BABAM2: variants seen among roughly 807,000 people sequenced by gnomAD.
BABAM2 encodes the protein BRISC and BRCA1 A complex member 2.
Under a neutral mutation model 54.7 loss-of-function variants are expected in BABAM2, and 31 were observed. That is an observed-to-expected ratio of 0.57 (90% CI 0.43 to 0.77). BABAM2 has a LOEUF of 0.77. Among genes scored for constraint, BABAM2 ranks in the 30% least tolerant of loss-of-function variants. The pLI, the probability that BABAM2 is intolerant of heterozygous loss-of-function variation, is 0.00. For synonymous variants in BABAM2, 167 were observed against 162.9 expected (o/e 1.03, Z -0.19); for missense variants, 364 against 455.8 (o/e 0.80, Z 1.83).
chr2:28,208,423 A>G (rs191934284), intron 7 of BABAM2, among the ~76,000 whole-genome samples: 1 of 152,294 alleles, frequency 6.6e-6, no homozygotes, highest in East Asian at 1.9e-4. Flanking sequence ...AAAGATTCTA[A>G]CCCTAGTTTG....
intron 7 of BABAM2, among the ~76,000 whole-genome samples, chr2:28,225,008 G>A (rs1435173963): frequency 6.6e-6 from 1 of 152,192 alleles, no homozygotes; most frequent in East Asian, 1.9e-4. Flanking sequence ...TGGATAGGGA[G>A]TGAACTGTTT....
intron 2 of BABAM2, among the ~76,000 whole-genome samples, chr2:27,908,811 T>C (rs866202423): frequency 6.6e-6 from 1 of 152,362 alleles, no homozygotes; most frequent in South Asian, 2.1e-4. Flanking sequence ...GGCTGTGTGC[T>C]ATACTGTTGT....
intron 7 of BABAM2, among the ~76,000 whole-genome samples, chr2:28,205,863 G>A (rs79560954): frequency 0.013 from 1,920 of 152,294 alleles, 28 homozygotes; most frequent in African/African-American, 0.044. Flanking sequence ...TTCTAGAGGA[G>A]TAAATGGCTT....
chr2:27,958,657 A>G (rs1463382775), intron 3 of BABAM2, among the ~76,000 whole-genome samples: 1 of 151,994 alleles, frequency 6.6e-6, no homozygotes, highest in Non-Finnish European at 1.5e-5. Context: ...AAGGTCTACA[A>G]AGGCCTGGCT....
At chr2:27,910,577 T>TG (rs1252729373) in intron 2 of BABAM2, among the ~76,000 whole-genome samples, 1 of 152,130 alleles carries the variant, frequency 6.6e-6, no homozygotes, top group Non-Finnish European at 1.5e-5. Context: ...ATCTAGTCAC[T>TG]GACCCCTCTT....
intron 1 of BABAM2, 41 bp from the exon 2 acceptor site, chr2:27,894,492 A>G: frequency 1.3e-6 from 2 of 1,581,026 alleles, no homozygotes; most frequent in Non-Finnish European, 1.7e-6. Context: ...TATCTAGTCC[A>G]TTTGTAAGCC....
chr2:28,112,147 T>TTCTTTCTTTCTTTCTTTCTTTCCCTCCC (rs1558346715), intron 6 of BABAM2, among the ~76,000 whole-genome samples: 4 of 5,238 alleles, frequency 7.6e-4, no homozygotes, highest in Admixed American at 2.4e-3. Flanking sequence ...CTTTCTTTCT[T>TTCTTTCTTTCTTTCTTTCTTTCCCTCCC]TACCTCCCTC....
chr2:27,940,074 A>C (rs116736757), intron 3 of BABAM2, among the ~76,000 whole-genome samples: 4,359 of 152,306 alleles, frequency 0.029, 222 homozygotes, highest in African/African-American at 0.1. Context: ...CTTGAATCTC[A>C]CAATTGCAGA....
rs185270963 is a variant in BABAM2 at position 28,042,855 on chromosome 2, T to C, written c.496-2870T>C. 8.0e-3 allele frequency among the ~76,000 whole-genome samples: 1,212 copies of C among 151,826 alleles called. 11 individuals are homozygous for C. The highest frequency in any genetic ancestry group is 0.028 in the African/African-American group (1,159 of 41,420). Reference sequence around the variant, plus strand: ...CTGGCTAACATGGTGAAACCCCGTCTCTACTGAAAATACAAAAAATTAGCC... The same window carrying C: ...CTGGCTAACATGGTGAAACCCCGTCCCTACTGAAAATACAAAAAATTAGCC... On this transcript the variant is annotated intron_variant, in intron 5 of 11. Transcript: ENST00000379624.
intron 11 of BABAM2, among the ~76,000 whole-genome samples, chr2:28,337,276 G>C (rs1445559504): frequency 1.3e-5 from 2 of 152,028 alleles, no homozygotes; most frequent in Non-Finnish European, 2.9e-5. Flanking sequence ...TCACCTCTCA[G>C]CTGACAGCAA....
At chr2:28,253,465 A>G (rs1212951515) in intron 10 of BABAM2, among the ~76,000 whole-genome samples, 3 of 152,092 alleles carry the variant, frequency 2.0e-5, no homozygotes, top group African/African-American at 7.2e-5. Context: ...TACTTTGCAT[A>G]TGTTATGTTA....
At chr2:28,186,235 C>A (rs1037314258) in intron 7 of BABAM2, among the ~76,000 whole-genome samples, 9 of 151,836 alleles carry the variant, frequency 5.9e-5, no homozygotes, top group African/African-American at 2.2e-4. Flanking sequence ...TGGGTAATAC[C>A]AAAAATATGT....
chr2:28,194,888 GT>G (rs1677349527), intron 7 of BABAM2, among the ~76,000 whole-genome samples: 1 of 152,098 alleles, frequency 6.6e-6, no homozygotes, highest in African/African-American at 2.4e-5. Flanking sequence ...TAGAAACAGG[GT>G]TTTGCCATGT....
chr2:28,131,316 C>CAG (rs550794935), intron 7 of BABAM2, among the ~76,000 whole-genome samples: 4 of 50,874 alleles, frequency 7.9e-5, no homozygotes, highest in East Asian at 3.3e-4. Context: ...CTCCTGACCT[C>CAG]GTGATCCGCC....
intron 7 of BABAM2, among the ~76,000 whole-genome samples, chr2:28,208,869 C>G (rs1028892709): frequency 6.6e-6 from 1 of 152,032 alleles, no homozygotes; most frequent in Non-Finnish European, 1.5e-5. Flanking sequence ...ATGCCCCAGT[C>G]CCTGGTGAAC....
chr2:27,970,620 T>A (rs1348670685), intron 3 of BABAM2, among the ~76,000 whole-genome samples: 1 of 152,146 alleles, frequency 6.6e-6, no homozygotes, highest in East Asian at 1.9e-4. Context: ...AATGCCATGA[T>A]CGTACTCAAG....
At chr2:28,042,766 T>G (rs1677203480) in intron 5 of BABAM2, among the ~76,000 whole-genome samples, 1 of 152,118 alleles carries the variant, frequency 6.6e-6, no homozygotes, top group Non-Finnish European at 1.5e-5. Flanking sequence ...AATGGAAACA[T>G]TTTAAAAATG....
At chr2:28,088,269 C>A (rs1476555290) in intron 6 of BABAM2, among the ~76,000 whole-genome samples, 2 of 152,092 alleles carry the variant, frequency 1.3e-5, no homozygotes, top group African/African-American at 4.8e-5. Flanking sequence ...CTAGTACTTA[C>A]AATATTCTCT....
At chr2:28,257,547 A>G (rs899794421) in intron 10 of BABAM2, among the ~76,000 whole-genome samples, 5 of 152,050 alleles carry the variant, frequency 3.3e-5, no homozygotes, top group African/African-American at 1.2e-4. Context: ...TTATGCATTT[A>G]CCAGATGCTG....
Sources: allele counts gnomAD v4.1 joint callset (sites outside exome capture counted in the v4.1 genomes callset), GRCh38; gene constraint gnomAD v4.1.1; transcripts MANE v1.5; gene names NCBI Gene and HGNC (gene_info 2026-07-23, HGNC 2026-07-21).